Variants in AK5 observed in about 807,000 individuals in gnomAD.
AK5 encodes the protein adenylate kinase 5.
AK5 carries 27 observed loss-of-function variants against 69.5 expected under a neutral mutation model. The ratio of observed to expected loss-of-function variants is 0.39; its 90% CI spans 0.29 to 0.54. AK5 has a LOEUF of 0.54. Among genes scored for constraint, AK5 ranks in the 20% least tolerant of loss-of-function variants. AK5 has a pLI of 0.71. For synonymous variants in AK5, 260 were observed against 244.4 expected (o/e 1.06, Z -0.60); for missense variants, 531 against 700.4 (o/e 0.76, Z 2.73).
chr1:77,552,177 T>G (rs1659854623), intron 13 of AK5, among the ~76,000 whole-genome samples: 1 of 152,178 alleles, frequency 6.6e-6, no homozygotes, highest in African/African-American at 2.4e-5. Context: ...TAGGTCGGTG[T>G]AGCCAGAACT....
Position 77,315,718 on chromosome 1 carries a change from C to T in AK5, c.699+17771C>T, listed in dbSNP as rs186587780. On this transcript the variant is annotated intron_variant, in intron 5 of 13. Transcript: ENST00000354567. ...GGCGACAGGTGACTGATACAGTGGG[C>T]GCCACAATGTCAGTCTTTATGCCAA... is the stretch of plus-strand genomic sequence containing the variant. 1.9e-4 allele frequency among the ~76,000 whole-genome samples: 29 copies of T among 152,170 alleles called. 1 individual carries two copies. The highest frequency in any genetic ancestry group is 5.8e-4 in the African/African-American group (24 of 41,472).
intron 7 of AK5, among the ~76,000 whole-genome samples, chr1:77,417,024 C>T (rs115069899): frequency 6.6e-6 from 1 of 152,198 alleles, no homozygotes; most frequent in Non-Finnish European, 1.5e-5. Flanking sequence ...TTAATGAAAC[C>T]TGTAGTACCT....
At chr1:77,499,434 A>G (rs1407404170) in intron 10 of AK5, among the ~76,000 whole-genome samples, 5 of 152,292 alleles carry the variant, frequency 3.3e-5, no homozygotes, top group East Asian at 1.9e-4. Context: ...AATCCCTTCA[A>G]CTAGGAAGTG....
At chr1:77,332,402 C>CTT (rs777553446) in intron 5 of AK5, among the ~76,000 whole-genome samples, 21 of 144,248 alleles carry the variant, frequency 1.5e-4, no homozygotes, top group East Asian at 8.0e-4. Context: ...CTAAATTTTT[C>CTT]TTTTTTTTTT....
intron 13 of AK5, among the ~76,000 whole-genome samples, chr1:77,538,489 T>TAA (rs113181815): frequency 1.4e-5 from 2 of 142,246 alleles, no homozygotes; most frequent in Admixed American, 7.0e-5. Flanking sequence ...CCTGGAACAT[T>TAA]AAAAAAAAAA....
intron 3 of AK5, among the ~76,000 whole-genome samples, chr1:77,295,007 G>A (rs1329990201): frequency 6.6e-6 from 1 of 151,978 alleles, no homozygotes; most frequent in African/African-American, 2.4e-5. Context: ...GTGACAGAGA[G>A]ACCTCATCTC....
At position 77,368,232 on chromosome 1, in the gene AK5, T is replaced by G. The variant is rs1342496098; in HGVS notation, c.891+27664T>G. Among the ~76,000 whole-genome samples, 16 of 26,914 alleles carry G rather than the reference T, an allele frequency of 5.9e-4. 1 individual carries two copies. The highest frequency in any genetic ancestry group is 1.3e-3 in the Non-Finnish European group (16 of 11,928). The allele number at this position is 26,914 out of a possible 152,430, so 17.7% of individuals were successfully genotyped here. A position where few individuals can be genotyped will look rare whatever the true frequency, so the allele number is the denominator to read the frequency against. On this transcript the variant is annotated intron_variant, in intron 6 of 13. Transcript: ENST00000354567. Reference sequence around the variant, plus strand: ...TAGAGATACTATATATATATATATATATATATATATATATATATATAATAT... The same window carrying G: ...TAGAGATACTATATATATATATATAGATATATATATATATATATATAATAT...
intron 6 of AK5, among the ~76,000 whole-genome samples, chr1:77,352,798 T>C (rs1189037555): frequency 1.3e-5 from 2 of 152,244 alleles, no homozygotes; most frequent in Non-Finnish European, 2.9e-5. Flanking sequence ...TTGGTTACTG[T>C]TATACAGTTG....
chr1:77,283,880 C>T (rs949160785), intron 1 of AK5, among the ~76,000 whole-genome samples: 2 of 151,996 alleles, frequency 1.3e-5, no homozygotes, highest in Admixed American at 6.5e-5. Flanking sequence ...TGTAGGAGGA[C>T]CACGTGATTG....
chr1:77,378,508 T>G (rs931660141), intron 6 of AK5, among the ~76,000 whole-genome samples: 1 of 152,134 alleles, frequency 6.6e-6, no homozygotes, highest in African/African-American at 2.4e-5. Context: ...TTAGAAGAGA[T>G]AGGGTTTCAC....
In AK5 at chr1:77,311,166, C is replaced by G. The variant is rs1200280666; in HGVS notation, c.699+13219C>G. ...CTTCTTCCCTTCTTACCACTGCCAC[C>G]TTCAGGACCCTCACACCTGCCTGCC... On this transcript the variant is annotated intron_variant, in intron 5 of 13. Transcript: ENST00000354567. Among the ~76,000 whole-genome samples the G allele has an allele frequency of 2.0e-5, 3 of 152,208 alleles. No homozygotes were observed. In the East Asian group the frequency reaches 5.8e-4, roughly 29 times the overall value.
At chr1:77,312,823 A>G (rs1660038683) in intron 5 of AK5, among the ~76,000 whole-genome samples, 1 of 151,856 alleles carries the variant, frequency 6.6e-6, no homozygotes, top group African/African-American at 2.4e-5. Context: ...TGAGGGGTTG[A>G]TCCCACAGTG....
chr1:77,334,726 G>C (rs1207456299), intron 5 of AK5, among the ~76,000 whole-genome samples: 1 of 152,090 alleles, frequency 6.6e-6, no homozygotes, highest in Non-Finnish European at 1.5e-5. Context: ...ATAAGAGTTT[G>C]AGAGTATCCT....
At chr1:77,471,755 G>C (rs115256163) in intron 8 of AK5, among the ~76,000 whole-genome samples, 2 of 152,176 alleles carry the variant, frequency 1.3e-5, no homozygotes, top group Non-Finnish European at 2.9e-5. Context: ...TGAAGATAAA[G>C]TCATCATAAT....
chr1:77,504,153 G>T (rs61778705), intron 10 of AK5, among the ~76,000 whole-genome samples: 4,634 of 152,198 alleles, frequency 0.03, 65 homozygotes, highest in Middle Eastern at 0.078. Context: ...CCTAGCGCAT[G>T]TGGATTCCTC....
chr1:77,512,097 G>A (rs955722767), intron 10 of AK5, among the ~76,000 whole-genome samples: 1 of 152,206 alleles, frequency 6.6e-6, no homozygotes, highest in East Asian at 1.9e-4. Flanking sequence ...AGGAATTAAA[G>A]CCTAGAAAGC....
At chr1:77,483,181 A>T (rs75239548) in intron 8 of AK5, 136 bp from the exon 9 acceptor site, 9,708 of 671,298 alleles carry the variant, frequency 0.014, 233 homozygotes, top group East Asian at 0.079. Context: ...TGTCTGTAAA[A>T]TATTGTCCCT....
At chr1:77,425,986 A>G (rs1489229601) in intron 8 of AK5, among the ~76,000 whole-genome samples, 1 of 152,224 alleles carries the variant, frequency 6.6e-6, no homozygotes, top group African/African-American at 2.4e-5. Flanking sequence ...TATATGTGGT[A>G]TGCTCATAAA....
At chr1:77,462,303 A>G (rs201457875) in intron 8 of AK5, among the ~76,000 whole-genome samples, 2,842 of 150,012 alleles carry the variant, frequency 0.019, 80 homozygotes, top group East Asian at 0.12. Context: ...TTTGTTGGAT[A>G]GATGGATGGA....
Sources: gnomAD v4.1 joint callset for allele counts (sites outside exome capture counted in the v4.1 genomes callset) on GRCh38, gnomAD v4.1.1 for gene constraint, MANE v1.5 for transcripts, NCBI Gene and HGNC (gene_info 2026-07-23, HGNC 2026-07-21) for gene names.